ERBB2: variants seen among roughly 807,000 people sequenced by gnomAD.
The protein encoded by ERBB2 is erb-b2 receptor tyrosine kinase 2.
In ERBB2, 61 loss-of-function variants were observed where a neutral mutation model predicts 149.0. The observed-to-expected ratio is 0.41, with a 90% confidence interval of 0.33 to 0.51. The LOEUF (loss-of-function observed/expected upper bound fraction) is 0.51. ERBB2 is among the 20% of genes least tolerant of loss of function. The pLI, the probability that ERBB2 is intolerant of heterozygous loss-of-function variation, is 0.25. For missense variants in ERBB2, 1,205 were observed against 1,655.1 expected, an observed-to-expected ratio of 0.73 and a Z score of 4.72; for synonymous variants, 633 against 678.8, an observed-to-expected ratio of 0.93 and a Z score of 1.05.
chr17:39,714,085 T>C (rs1449597027), intron 9 of ERBB2, among the ~76,000 whole-genome samples: 1 of 151,402 alleles, frequency 6.6e-6, no homozygotes, highest in Non-Finnish European at 1.5e-5. Context: ...AAAAATTCCC[T>C]TTCACACTTC....
chr17:39,720,839 G>A (rs1462067724), intron 16 of ERBB2, among the ~76,000 whole-genome samples: 2 of 152,054 alleles, frequency 1.3e-5, no homozygotes, highest in African/African-American at 4.8e-5. Context: ...TAGTAGAGAC[G>A]GGGTTTCACC....
In ERBB2 at chr17:39,725,090, C is replaced by G. The variant is rs137852788; in HGVS notation, c.2535C>G (p.Asp845Glu). Residue 845 changes from aspartate to glutamate, a missense_variant, in exon 21 of 27, where the codon GAC (aspartate) becomes GAG (glutamate). Asp to Glu is a conservative substitution (Grantham distance 45, BLOSUM62 2). Coordinates refer to ENST00000269571, the MANE Select transcript of ERBB2 (RefSeq NM_004448.4). The surrounding 1 kb of genome is among the most constrained non-coding windows in gnomAD (Gnocchi z 4.6). Reference sequence around the variant, plus strand: ...AGGATGTGCGGCTCGTACACAGGGACTTGGCCGCTCGGAACGTGCTGGTCA... The same window carrying G: ...AGGATGTGCGGCTCGTACACAGGGAGTTGGCCGCTCGGAACGTGCTGGTCA... ...YLEDVRLVHR[D>E]LAARNVLVKS... 6.2e-7 allele frequency: 1 copy of G among 1,614,158 alleles called. No homozygotes were observed. Among genetic ancestry groups the G allele is most frequent in the Non-Finnish European group, 8.5e-7 (1 of 1,180,044 alleles).
rs766896052 is a variant in ERBB2, at chr17:39,727,055, C to T, written c.3159+52C>T. ...GCTGTCTGCTTACCTCCCCCAACCC[C>T]GGTGGACTAGGGTCCCTTTCTCTGA... is the stretch of plus-strand genomic sequence containing the variant. On this transcript the variant is annotated intron_variant, in intron 25 of 26. Coordinates refer to ENST00000269571, the MANE Select transcript of ERBB2 (RefSeq NM_004448.4). This position sits in a 1 kb window ranked among gnomAD's most constrained non-coding sequence, Gnocchi z 4.3. 49 of 1,466,492 alleles carry T rather than the reference C, an allele frequency of 3.3e-5. No individual in the cohort carries two copies. The South Asian group carries it at 3.7e-4, about 11-fold the overall frequency. The allele number at this position is 1,466,492 out of a possible 1,614,324, so 90.8% of individuals were successfully genotyped here.
chr17:39,691,362 T>G (rs893890302), upstream of ERBB2, among the ~76,000 whole-genome samples: 2 of 151,530 alleles, frequency 1.3e-5, no homozygotes, highest in South Asian at 4.2e-4. Flanking sequence ...GCCAACATGG[T>G]GAAACCCCAT....
Position 39,708,485 on chromosome 17 carries a change from A to C in ERBB2, c.390A>C (p.Thr130=). Reference sequence around the variant, plus strand: ...CGCTGAACAATACCACCCCTGTCACAGGGGCCTCCCCAGGAGGCCTGCGGG... The same window carrying C: ...CGCTGAACAATACCACCCCTGTCACCGGGGCCTCCCCAGGAGGCCTGCGGG... ...GDPLNNTTPV[T]GASPGGLREL... Residue 130 remains threonine, a synonymous_variant, in exon 3 of 27, where the codon ACA becomes ACC. Coordinates refer to ENST00000269571, the MANE Select transcript of ERBB2 (RefSeq NM_004448.4). 8 of 1,614,156 alleles carry C rather than the reference A, an allele frequency of 5.0e-6. No homozygotes were observed. Among genetic ancestry groups the C allele is most frequent in the Non-Finnish European group, 6.8e-6 (8 of 1,180,002 alleles).
chr17:39,716,278 C>T (rs766819693), intron 12 of ERBB2, 23 bp from the exon 13 acceptor site: 13 of 1,556,124 alleles, frequency 8.4e-6, no homozygotes, highest in South Asian at 4.8e-5. Context: ...AAGTCCCCTG[C>T]GGTCCCTTCC....
In ERBB2 at chr17:39,723,710, C is replaced by T. The variant is rs774522094; in HGVS notation, c.2208+50C>T. The T allele has an allele frequency of 4.4e-6, 7 of 1,573,866 alleles. No individual in the cohort carries two copies. In the South Asian group the frequency reaches 8.1e-5, roughly 18 times the overall value. The stretch of plus-strand genomic sequence containing the variant: ...CGGCCCCAGAGGATGGGGGCGGTGC[C>T]TGGAGGGGTGTGGTCGGCAGTTCTG... On this transcript the variant is annotated intron_variant, in intron 18 of 26. Transcript: ENST00000269571. This position sits in a 1 kb window ranked among gnomAD's most constrained non-coding sequence, Gnocchi z 6.2.
intron 9 of ERBB2, 67 bp downstream of exon 9, chr17:39,712,515 C>T (rs2058869708): frequency 1.3e-6 from 2 of 1,572,984 alleles, no homozygotes; most frequent in South Asian, 2.3e-5. Context: ...CCAGATGTGG[C>T]AGCATCTCTT....
chr17:39,692,428 GA>G (rs2057734176), upstream of ERBB2, among the ~76,000 whole-genome samples: 1 of 149,606 alleles, frequency 6.7e-6, no homozygotes, highest in Non-Finnish European at 1.5e-5. Context: ...TTTTTAAACG[GA>G]GTTTTTGCTC....
Position 39,700,222 on chromosome 17 carries a change from G to C in ERBB2, c.-17G>C. 1 of 1,440,654 alleles carries C rather than the reference G, an allele frequency of 6.9e-7. No homozygotes were observed. The highest frequency in any genetic ancestry group is 3.0e-5 in the East Asian group (1 of 33,120). The allele number at this position is 1,440,654 out of a possible 1,614,324, so 89.2% of individuals were successfully genotyped here. A position where few individuals can be genotyped will look rare whatever the true frequency, so the allele number is the denominator to read the frequency against. ...GGGTCCAGCCGGAGCCATGGGGCCG[G>C]AGCCGCAGTGAGCACCATGGAGCTG... is the stretch of plus-strand genomic sequence containing the variant. On this transcript the variant is annotated 5_prime_UTR_variant, in exon 1 of 27. Coordinates refer to ENST00000269571, the MANE Select transcript of ERBB2 (RefSeq NM_004448.4).
Position 39,701,884 on chromosome 17 carries a change from A to G in ERBB2, c.73+1573A>G, listed in dbSNP as rs544962387. Among the ~76,000 whole-genome samples the G allele has an allele frequency of 2.6e-5, 4 of 152,232 alleles. No homozygotes were observed. The South Asian group carries it at 6.2e-4, about 24-fold the overall frequency. On this transcript the variant is annotated intron_variant, in intron 1 of 26. Transcript: ENST00000269571. Reference sequence around the variant, plus strand: ...TGCCCTCCCTGTTTCCCAGACAAGCATCTTCACCTCTCATCTTCTGATGAG... The same window carrying G: ...TGCCCTCCCTGTTTCCCAGACAAGCGTCTTCACCTCTCATCTTCTGATGAG...
rs1174574235 is a variant in ERBB2, at chr17:39,715,168, C to T, written c.1149-118C>T. ...AGCCCAGGATGGGAACAGCTGGGCT[C>T]GATGGGCAAAGGGTTTGAGTGAAGG... On this transcript the variant is annotated intron_variant, in intron 9 of 26. Transcript: ENST00000269571. 4 of 806,186 alleles carry T rather than the reference C, an allele frequency of 5.0e-6. No homozygotes were observed. The African/African-American group carries it at 5.1e-5, about 10-fold the overall frequency. The allele number at this position is 806,186 out of a possible 1,614,324, so 49.9% of individuals were successfully genotyped here. A position where few individuals can be genotyped will look rare whatever the true frequency, so the allele number is the denominator to read the frequency against.
chr17:39,720,037 A>G (rs2059365939), intron 16 of ERBB2: 1 of 583,822 alleles, frequency 1.7e-6, no homozygotes. Flanking sequence ...GCAAGGAAAG[A>G]TGGCTAGGAA....
intron 19 of ERBB2, among the ~76,000 whole-genome samples, chr17:39,724,420 C>A (rs771393806): frequency 6.6e-6 from 1 of 151,686 alleles, no homozygotes; most frequent in Non-Finnish European, 1.5e-5. Context: ...CCACCACGCC[C>A]GGCTAATTTT....
chr17:39,694,440 T>C (rs1328549804), upstream of ERBB2, among the ~76,000 whole-genome samples: 1 of 150,894 alleles, frequency 6.6e-6, no homozygotes, highest in Admixed American at 6.6e-5. Flanking sequence ...GGGGTAGTGA[T>C]CAAAGTCTGG....
chr17:39,726,739 G>A lies in ERBB2; in HGVS notation c.2971-76G>A. On this transcript the variant is annotated intron_variant, in intron 24 of 26. Coordinates refer to ENST00000269571, the MANE Select transcript of ERBB2 (RefSeq NM_004448.4). The surrounding 1 kb of genome is among the most constrained non-coding windows in gnomAD (Gnocchi z 5.1). ...AGGGTGGGAAGGAGAGATGAGTCCA[G>A]TATGCCAGGCCCCTCACGGAAGGCT... is the stretch of plus-strand genomic sequence containing the variant. The A allele has an allele frequency of 6.3e-7, 1 of 1,590,016 alleles. No homozygotes were observed. Among genetic ancestry groups the A allele is most frequent in the South Asian group, 1.1e-5 (1 of 90,606 alleles).
Position 39,723,347 on chromosome 17 carries a change from G to GA in ERBB2, c.1975_1976insA (p.Val659AspfsTer45). ...TCTGACGTCCATCATCTCTGCGGTG[G>GA]TTGGCATTCTGCTGGTCGTGGTCTT... On this transcript the variant is annotated frameshift_variant, in exon 17 of 27. Coordinates refer to ENST00000269571, the MANE Select transcript of ERBB2 (RefSeq NM_004448.4). LOFTEE classifies it high-confidence loss of function. The surrounding 1 kb of genome is among the most constrained non-coding windows in gnomAD (Gnocchi z 6.2). The GA allele has an allele frequency of 6.2e-7, 1 of 1,614,134 alleles. No homozygotes were observed. The highest frequency in any genetic ancestry group is 8.5e-7 in the Non-Finnish European group (1 of 1,180,032).
chr17:39,709,950 C>T (rs2145496650), intron 5 of ERBB2, 69 bp downstream of exon 5: 2 of 1,518,108 alleles, frequency 1.3e-6, no homozygotes, highest in Non-Finnish European at 1.8e-6. Context: ...AGGTGTCATA[C>T]AGGTGACATG....
intron 16 of ERBB2, 85 bp downstream of exon 16, chr17:39,719,919 C>T (rs2145753421): frequency 7.7e-7 from 1 of 1,295,014 alleles, no homozygotes; most frequent in Non-Finnish European, 1.1e-6. Flanking sequence ...GGGAGGGGAC[C>T]CCCTGACATA....
Sources: allele counts gnomAD v4.1 joint callset (sites outside exome capture counted in the v4.1 genomes callset), GRCh38; gene constraint gnomAD v4.1.1; non-coding constraint Gnocchi (gnomAD v3.1); transcripts MANE v1.5; gene names NCBI Gene and HGNC (gene_info 2026-07-23, HGNC 2026-07-21).